The following CLVS1 variants were observed in gnomAD, a reference collection of about 807,000 sequenced individuals.
CLVS1 encodes the protein clavesin 1, also known as clavesin-1.
Under a neutral mutation model 33.1 loss-of-function variants are expected in CLVS1, and 10 were observed. The observed-to-expected ratio is 0.30, with a 90% CI of 0.19 to 0.51. The LOEUF is 0.51. Ranked by LOEUF, CLVS1 falls within the 20% of genes least tolerant of loss-of-function variation. CLVS1 has a pLI of 0.97. For missense variants in CLVS1, 343 were observed against 433.4 expected (o/e 0.79, Z 1.85); for synonymous variants, 163 against 166.1 (o/e 0.98, Z 0.14).
intron 2 of CLVS1, chr8:61,300,542 T>A: frequency 2.8e-6 from 1 of 355,652 alleles, no homozygotes; most frequent in Non-Finnish European, 5.1e-6. Flanking sequence ...TTTAGTAAAA[T>A]TGAAAGTGGA....
the CLVS1 span, among the ~76,000 whole-genome samples, chr8:61,015,217 C>T: frequency 1.3e-4 from 20 of 152,216 alleles, no homozygotes; most frequent in Non-Finnish European, 2.9e-4. Flanking sequence ...GGCCTTATCT[C>T]ATTTAATCCT....
chr8:60,999,728 T>A, the CLVS1 span, among the ~76,000 whole-genome samples: 2 of 152,220 alleles, frequency 1.3e-5, no homozygotes, highest in Non-Finnish European at 2.9e-5. Context: ...CAAATGGTGA[T>A]AGTGTTGGCA....
In CLVS1 at chr8:61,081,254, G is replaced by C. The variant is rs185984243; in HGVS notation, c.-243+24024G>C. ...TAGAGTGCCCTCTGAAGAAGAGAGA[G>C]CAGAAGGAATGAGGGCCTGGGCTGG... On this transcript the variant is annotated intron_variant, in intron 1 of 2. Transcript: ENST00000522621. Among the ~76,000 whole-genome samples, 62 of 152,290 alleles carry C rather than the reference G, an allele frequency of 4.1e-4. No individual in the cohort carries two copies. The East Asian group carries it at 0.012, about 29-fold the overall frequency.
At chr8:61,312,032 T>C (rs116052867) in intron 2 of CLVS1, among the ~76,000 whole-genome samples, 50 of 152,358 alleles carry the variant, frequency 3.3e-4, no homozygotes, top group African/African-American at 1.2e-3. Context: ...AATGAATGCA[T>C]TGCAAGTTAT....
chr8:61,456,295 G>A (rs1305629062), intron 4 of CLVS1, among the ~76,000 whole-genome samples: 1 of 152,084 alleles, frequency 6.6e-6, no homozygotes, highest in South Asian at 2.1e-4. Context: ...TGGGTGGAGG[G>A]GTACAAATGT....
intron 5 of CLVS1, among the ~76,000 whole-genome samples, chr8:61,471,707 C>T (rs555724721): frequency 2.0e-5 from 3 of 152,304 alleles, no homozygotes; most frequent in South Asian, 2.1e-4. Flanking sequence ...TTTGTGGTTA[C>T]AGGAGCCCTC....
At chr8:61,418,691 T>C (rs933003923) in intron 3 of CLVS1, among the ~76,000 whole-genome samples, 2 of 152,174 alleles carry the variant, frequency 1.3e-5, no homozygotes, top group Non-Finnish European at 2.9e-5. Flanking sequence ...TGAAAGAGCT[T>C]GATAAATTGT....
intron 3 of CLVS1, among the ~76,000 whole-genome samples, chr8:61,426,229 T>C (rs1354711162): frequency 6.6e-6 from 1 of 152,224 alleles, no homozygotes; most frequent in Non-Finnish European, 1.5e-5. Context: ...AGTTTTACCT[T>C]AATATACTCA....
the CLVS1 span, among the ~76,000 whole-genome samples, chr8:61,026,012 G>A: frequency 2.0e-5 from 3 of 152,106 alleles, no homozygotes; most frequent in African/African-American, 7.2e-5. Context: ...GTTCCAGGCT[G>A]AATGTCCCAC....
chr8:61,106,171 A>G (rs1016107594), intron 1 of CLVS1, among the ~76,000 whole-genome samples: 2 of 152,180 alleles, frequency 1.3e-5, no homozygotes, highest in African/African-American at 4.8e-5. Context: ...GTAGGCTCTC[A>G]GTTCAGGTTT....
At chr8:61,426,424 C>T (rs544208427) in intron 3 of CLVS1, among the ~76,000 whole-genome samples, 1 of 152,312 alleles carries the variant, frequency 6.6e-6, no homozygotes, top group Non-Finnish European at 1.5e-5. Flanking sequence ...TAGCTTGTGT[C>T]AGATGTTTCT....
At chr8:61,245,874 T>A (rs1473033918) in intron 2 of CLVS1, among the ~76,000 whole-genome samples, 2 of 151,988 alleles carry the variant, frequency 1.3e-5, no homozygotes, top group African/African-American at 4.8e-5. Context: ...GCTCAAGGGA[T>A]CCTCCCTTTT....
rs35496931 is a variant in CLVS1 at position 61,365,754 on chromosome 8, GGTGT to G, written c.456-10833_456-10830del. On this transcript the variant is annotated intron_variant, in intron 2 of 5. Coordinates refer to ENST00000325897, the MANE Select transcript of CLVS1 (RefSeq NM_173519.3). ...GATTTTAGAAGATGCCAGTTTACAG[GGTGT>G]GTGTGTGTGTGTGTGTGCGTGTGTG... 2.4e-3 allele frequency among the ~76,000 whole-genome samples: 361 copies of G among 148,596 alleles called. 1 individual carries two copies. The highest frequency in any genetic ancestry group is 7.8e-3 in the African/African-American group (313 of 39,948).
At chr8:61,271,820 A>C in intron 2 of CLVS1, among the ~76,000 whole-genome samples, 3 of 149,702 alleles carry the variant, frequency 2.0e-5, no homozygotes, top group Non-Finnish European at 4.4e-5. Context: ...CTGTTTTATC[A>C]GAGACTAGGA....
intron 1 of CLVS1, among the ~76,000 whole-genome samples, chr8:61,126,963 G>A (rs1316525878): frequency 6.6e-6 from 1 of 152,188 alleles, no homozygotes; most frequent in Non-Finnish European, 1.5e-5. Flanking sequence ...TGTTTCTGAT[G>A]TTCCTCAATT....
intron 2 of CLVS1, among the ~76,000 whole-genome samples, chr8:61,149,178 C>T (rs1314506309): frequency 2.0e-5 from 3 of 152,010 alleles, no homozygotes; most frequent in Non-Finnish European, 2.9e-5. Context: ...CAAGCCAATA[C>T]ATTGCACACA....
At chr8:61,274,036 G>C (rs1207187513) in intron 2 of CLVS1, 1 of 152,546 alleles carries the variant, frequency 6.6e-6, no homozygotes, top group Non-Finnish European at 1.5e-5. Flanking sequence ...CTTGATGCCA[G>C]CTGTAGGGAG....
intron 5 of CLVS1, among the ~76,000 whole-genome samples, chr8:61,486,563 A>G (rs915203797): frequency 1.3e-5 from 2 of 152,218 alleles, no homozygotes; most frequent in African/African-American, 4.8e-5. Context: ...TGGATAGAAT[A>G]CATCTTTGCA....
chr8:61,035,408 G>A, the CLVS1 span, among the ~76,000 whole-genome samples: 1 of 152,096 alleles, frequency 6.6e-6, no homozygotes, highest in Non-Finnish European at 1.5e-5. Context: ...ACACCAAAGA[G>A]TAACTTTAGG....
Sources: allele counts gnomAD v4.1 joint callset (sites outside exome capture counted in the v4.1 genomes callset), GRCh38; gene constraint gnomAD v4.1.1; transcripts MANE v1.5; gene names NCBI Gene and HGNC (gene_info 2026-07-23, HGNC 2026-07-21).